The following ANKS1B variants were observed in gnomAD, a reference collection of about 807,000 sequenced individuals.
ANKS1B encodes the protein ankyrin repeat and sterile alpha motif domain-containing protein 1B.
A neutral mutation model predicts 148.3 loss-of-function variants in ANKS1B; 36 were observed. The observed-to-expected ratio is 0.24, with a 90% CI of 0.19 to 0.32. The LOEUF (loss-of-function observed/expected upper bound fraction) is 0.32. Ranked by LOEUF, ANKS1B falls within the 10% of genes least tolerant of loss-of-function variation. The pLI is 1.00. For missense variants in ANKS1B, 1,157 were observed against 1,542.6 expected (o/e 0.75, Z 4.19); for synonymous variants, 542 against 560.8 (o/e 0.97, Z 0.47).
intron 17 of ANKS1B, among the ~76,000 whole-genome samples, chr12:98,876,026 T>G (rs142836579): frequency 1.6e-3 from 237 of 152,348 alleles, no homozygotes; most frequent in African/African-American, 5.5e-3. Flanking sequence ...AAGGACAGGC[T>G]GGTCTTTAAG....
chr12:99,112,779 T>C (rs967347774), intron 15 of ANKS1B, among the ~76,000 whole-genome samples: 1 of 152,218 alleles, frequency 6.6e-6, no homozygotes, highest in African/African-American at 2.4e-5. Flanking sequence ...TCATGGGCAA[T>C]TTAATTCTTT....
intron 10 of ANKS1B, among the ~76,000 whole-genome samples, chr12:99,449,603 A>T (rs2095692230): frequency 6.6e-6 from 1 of 152,136 alleles, no homozygotes. Flanking sequence ...TAGGCACATA[A>T]TAGGGGTTTT....
chr12:98,867,265 A>C (rs175638), intron 17 of ANKS1B, among the ~76,000 whole-genome samples: 31,188 of 152,106 alleles, frequency 0.21, 3,970 homozygotes, highest in East Asian at 0.5. Flanking sequence ...TCACATCTCA[A>C]GGAAAGACTC....
chr12:99,211,998 T>G (rs1345767050), intron 14 of ANKS1B, among the ~76,000 whole-genome samples: 1 of 152,168 alleles, frequency 6.6e-6, no homozygotes, highest in African/African-American at 2.4e-5. Flanking sequence ...GGCAATTCAA[T>G]CTGCCACAAA....
chr12:99,442,693 A>G (rs2095569305), intron 11 of ANKS1B, among the ~76,000 whole-genome samples: 2 of 151,986 alleles, frequency 1.3e-5, no homozygotes, highest in Non-Finnish European at 2.9e-5. Flanking sequence ...CATTTTATCA[A>G]TGAGGATGAA....
At chr12:99,594,127 A>T (rs1186015920) in intron 9 of ANKS1B, among the ~76,000 whole-genome samples, 4 of 152,092 alleles carry the variant, frequency 2.6e-5, no homozygotes, top group Non-Finnish European at 5.9e-5. Context: ...TAGGGTTGTT[A>T]TAAAGACTAA....
At chr12:99,272,084 T>C (rs1266879203) in intron 12 of ANKS1B, among the ~76,000 whole-genome samples, 1 of 152,142 alleles carries the variant, frequency 6.6e-6, no homozygotes, top group African/African-American at 2.4e-5. Context: ...AAACTGCTAG[T>C]AGGAACTGTG....
intron 11 of ANKS1B, among the ~76,000 whole-genome samples, chr12:99,442,646 T>C (rs527731560): frequency 1.4e-4 from 21 of 152,086 alleles, no homozygotes; most frequent in African/African-American, 5.1e-4. Context: ...TATTAAAGTG[T>C]TCTACAAACT....
chr12:99,701,851 T>C (rs895156589), intron 8 of ANKS1B, among the ~76,000 whole-genome samples: 27 of 152,126 alleles, frequency 1.8e-4, no homozygotes, highest in African/African-American at 6.0e-4. Context: ...GTTCCATCCA[T>C]GTTGTTGCAA....
chr12:99,926,272 C>T (rs527333436), intron 1 of ANKS1B, among the ~76,000 whole-genome samples: 7 of 152,250 alleles, frequency 4.6e-5, no homozygotes, highest in South Asian at 2.1e-4. Flanking sequence ...TACCACCTTG[C>T]GAAGGTTAAT....
intron 12 of ANKS1B, among the ~76,000 whole-genome samples, chr12:99,383,569 T>G (rs1046956039): frequency 6.6e-6 from 1 of 152,322 alleles, no homozygotes; most frequent in African/African-American, 2.4e-5. Flanking sequence ...TGTGACCACA[T>G]AATTCCTGCT....
At chr12:98,907,443 C>G (rs1430032914) in intron 17 of ANKS1B, among the ~76,000 whole-genome samples, 1 of 152,176 alleles carries the variant, frequency 6.6e-6, no homozygotes, top group Non-Finnish European at 1.5e-5. Flanking sequence ...GCTGGTCCTG[C>G]TCAGGGCCCT....
intron 9 of ANKS1B, among the ~76,000 whole-genome samples, chr12:99,511,447 C>G (rs2096765169): frequency 6.6e-6 from 1 of 151,950 alleles, no homozygotes; most frequent in African/African-American, 2.4e-5. Context: ...ATTCCATGCT[C>G]ACAGATAGGA....
At chr12:99,518,225 T>G (rs2096841545) in intron 9 of ANKS1B, among the ~76,000 whole-genome samples, 1 of 152,174 alleles carries the variant, frequency 6.6e-6, no homozygotes, top group Non-Finnish European at 1.5e-5. Flanking sequence ...AATGCTGGTC[T>G]TGTAGAATGA....
intron 14 of ANKS1B, among the ~76,000 whole-genome samples, chr12:99,163,493 GTGTGTGTGTGTT>G (rs1422504303): frequency 4.0e-5 from 6 of 148,378 alleles, no homozygotes; most frequent in African/African-American, 1.3e-4. Flanking sequence ...GTGTGTGTGT[GTGTGTGTGTGTT>G]TAGTTCTGTA....
chr12:99,451,967 A>G (rs2095747812), intron 10 of ANKS1B, among the ~76,000 whole-genome samples: 2 of 152,180 alleles, frequency 1.3e-5, no homozygotes, highest in Non-Finnish European at 2.9e-5. Context: ...CATCACTTGC[A>G]TCACTAAGTA....
chr12:99,011,913 G>C (rs1183023644), intron 17 of ANKS1B, among the ~76,000 whole-genome samples: 1 of 152,184 alleles, frequency 6.6e-6, no homozygotes, highest in Non-Finnish European at 1.5e-5. Flanking sequence ...TCAGAGCATT[G>C]CAGCTTGTGA....
intron 10 of ANKS1B, among the ~76,000 whole-genome samples, chr12:99,492,214 G>C (rs138632597): frequency 3.8e-4 from 58 of 152,248 alleles, no homozygotes; most frequent in Middle Eastern, 3.4e-3. Flanking sequence ...ACATGACAAA[G>C]AGGATGTTAC....
At chr12:99,104,685 C>T (rs1282013492) in intron 15 of ANKS1B, 1 of 152,156 alleles carries the variant, frequency 6.6e-6, no homozygotes, top group Non-Finnish European at 1.5e-5. Context: ...GTTGTACATC[C>T]TCTTACTCCT....
Sources: gnomAD v4.1 joint callset for allele counts (sites outside exome capture counted in the v4.1 genomes callset) on GRCh38, gnomAD v4.1.1 for gene constraint, MANE v1.5 for transcripts, NCBI Gene and HGNC (gene_info 2026-07-23, HGNC 2026-07-21) for gene names.